Variants in THSD4 observed in about 807,000 individuals in gnomAD.
THSD4 encodes thrombospondin type 1 domain containing 4, also known as thrombospondin type-1 domain-containing protein 4.
In THSD4, 69 loss-of-function variants were observed where a neutral mutation model predicts 119.0. That is an observed-to-expected ratio of 0.58 (90% CI 0.48 to 0.71). The LOEUF is 0.71. Among genes scored for constraint, THSD4 ranks in the 30% least tolerant of loss-of-function variants. The probability of loss-of-function intolerance (pLI) is 0.00; values close to 1 mark genes in which losing one functional copy is unlikely to be tolerated. For missense variants in THSD4, 1,393 were observed against 1,391.1 expected (o/e 1.00, Z -0.02); for synonymous variants, 524 against 540.4 (o/e 0.97, Z 0.42).
chr15:71,225,604 G>T (rs1158516411), intron 4 of THSD4, among the ~76,000 whole-genome samples: 1 of 136,964 alleles, frequency 7.3e-6, no homozygotes, highest in Non-Finnish European at 1.5e-5. Context: ...CGGGAGTGCA[G>T]TGGCACAATC....
intron 1 of THSD4, chr15:71,110,130 T>A (rs1281630980): frequency 6.6e-6 from 1 of 152,222 alleles, no homozygotes; most frequent in Admixed American, 6.5e-5. Context: ...TCCAGTTGTC[T>A]TGGAGATTTG....
At chr15:71,755,706 CAAAAAAAAA>C (rs10555546) in intron 14 of THSD4, among the ~76,000 whole-genome samples, 3 of 50,278 alleles carry the variant, frequency 6.0e-5, no homozygotes, top group South Asian at 1.1e-3. Context: ...TCAGCAAAGA[CAAAAAAAAA>C]AAAAAAAAAA....
At chr15:71,415,212 A>G (rs570084331) in intron 7 of THSD4, among the ~76,000 whole-genome samples, 2 of 152,366 alleles carry the variant, frequency 1.3e-5, no homozygotes, top group African/African-American at 4.8e-5. Context: ...CAAGCCTTAC[A>G]TAATAATATG....
chr15:71,582,613 T>C lies in THSD4; in HGVS notation c.1153-77917T>C, dbSNP rs978848684. Among the ~76,000 whole-genome samples the C allele has an allele frequency of 4.6e-5, 7 of 152,196 alleles. No homozygotes were observed. In the South Asian group the frequency reaches 1.0e-3, roughly 23 times the overall value. ...TCACTATTGAGTATGGCTTTAGCTG[T>C]GGGCTTGCCATATATAGCCATATTA... On this transcript the variant is annotated intron_variant, in intron 7 of 17. Coordinates refer to ENST00000261862, the MANE Select transcript of THSD4 (RefSeq NM_024817.3).
intron 7 of THSD4, among the ~76,000 whole-genome samples, chr15:71,610,966 G>T (rs1380713487): frequency 2.6e-5 from 4 of 151,588 alleles, no homozygotes; most frequent in Non-Finnish European, 4.4e-5. Context: ...TGTATGGAAA[G>T]AAGAAGTGAG....
chr15:71,356,572 A>C (rs556782438), intron 6 of THSD4, among the ~76,000 whole-genome samples: 1 of 152,196 alleles, frequency 6.6e-6, no homozygotes, highest in South Asian at 2.1e-4. Flanking sequence ...GAGAGAAGGA[A>C]GGAAAGGGAG....
chr15:71,470,387 C>G (rs2047558606), intron 7 of THSD4, among the ~76,000 whole-genome samples: 1 of 152,160 alleles, frequency 6.6e-6, no homozygotes, highest in Non-Finnish European at 1.5e-5. Flanking sequence ...TGCACAGTCT[C>G]AATATAAAGG....
chr15:71,375,338 A>G (rs2046119209), intron 6 of THSD4, among the ~76,000 whole-genome samples: 1 of 152,076 alleles, frequency 6.6e-6, no homozygotes, highest in Admixed American at 6.5e-5. Context: ...TCTCAACCTC[A>G]TTGGTGCTTT....
At chr15:71,567,230 G>A (rs2049259563) in intron 7 of THSD4, among the ~76,000 whole-genome samples, 1 of 152,158 alleles carries the variant, frequency 6.6e-6, no homozygotes, top group South Asian at 2.1e-4. Flanking sequence ...CTAGATCCCA[G>A]AGAGGTCTTT....
rs921026635 is a variant in THSD4 at position 71,622,988 on chromosome 15, C to G, written c.1153-37542C>G. On this transcript the variant is annotated intron_variant, in intron 7 of 17. Transcript: ENST00000261862. ...TGTTCCAAGGACAAGGAAGAGGAGT[C>G]TTTTCTGTTGCAGTGCTGGTTGGAT... Among the ~76,000 whole-genome samples the G allele has an allele frequency of 2.0e-5, 3 of 151,878 alleles. 1 individual carries two copies. Among genetic ancestry groups the G allele is most frequent in the Admixed American group, 2.0e-4 (3 of 15,246 alleles).
chr15:71,765,896 T>C (rs2053709546), intron 16 of THSD4, among the ~76,000 whole-genome samples: 1 of 152,136 alleles, frequency 6.6e-6, no homozygotes, highest in Non-Finnish European at 1.5e-5. Context: ...TTGAACTGGC[T>C]ACTAGGAAGC....
intron 8 of THSD4, among the ~76,000 whole-genome samples, chr15:71,669,825 T>G (rs1219055790): frequency 6.6e-6 from 1 of 152,004 alleles, no homozygotes; most frequent in African/African-American, 2.4e-5. Context: ...TGGGCAGGGG[T>G]CAGACAGGCA....
chr15:71,668,860 G>C (rs1375529788), intron 8 of THSD4, among the ~76,000 whole-genome samples: 2 of 152,208 alleles, frequency 1.3e-5, no homozygotes, highest in Non-Finnish European at 2.9e-5. Context: ...TAGCATGAAA[G>C]ATAAGGCCCA....
chr15:71,700,981 C>G (rs1050023012), intron 8 of THSD4, among the ~76,000 whole-genome samples: 10 of 152,004 alleles, frequency 6.6e-5, no homozygotes, highest in Non-Finnish European at 4.4e-5. Context: ...GACTTTCTGA[C>G]AAGAACTAAA....
chr15:71,273,553 A>G (rs555036433), intron 6 of THSD4, among the ~76,000 whole-genome samples: 1 of 152,358 alleles, frequency 6.6e-6, no homozygotes, highest in Non-Finnish European at 1.5e-5. Context: ...TGTTCTCACC[A>G]CAAAGAAATA....
intron 8 of THSD4, among the ~76,000 whole-genome samples, chr15:71,714,311 C>T (rs1026356979): frequency 1.2e-4 from 18 of 151,984 alleles, no homozygotes; most frequent in Admixed American, 1.1e-3. Context: ...TGCTGCTATC[C>T]CCAGCACCTA....
chr15:71,184,526 T>C (rs1347025092), intron 3 of THSD4, among the ~76,000 whole-genome samples: 1 of 151,790 alleles, frequency 6.6e-6, no homozygotes, highest in Non-Finnish European at 1.5e-5. Flanking sequence ...TTTTCACGTT[T>C]ACCATCTAAA....
At chr15:71,103,160 T>C (rs1341821015) in intron 1 of THSD4, among the ~76,000 whole-genome samples, 2 of 152,074 alleles carry the variant, frequency 1.3e-5, no homozygotes, top group Admixed American at 6.5e-5. Context: ...TTTTTTTTTT[T>C]TGAAGCAGGA....
At chr15:71,619,385 T>C (rs540215203) in intron 7 of THSD4, among the ~76,000 whole-genome samples, 45 of 152,230 alleles carry the variant, frequency 3.0e-4, no homozygotes, top group African/African-American at 1.0e-3. Flanking sequence ...CCCAGAAAGG[T>C]TTCTCTGCGG....
Sources: gnomAD v4.1 joint callset for allele counts (sites outside exome capture counted in the v4.1 genomes callset) on GRCh38, gnomAD v4.1.1 for gene constraint, MANE v1.5 for transcripts, NCBI Gene and HGNC (gene_info 2026-07-23, HGNC 2026-07-21) for gene names.